The following CSMD1 variants were observed in gnomAD, a reference collection of about 807,000 sequenced individuals.
CSMD1 encodes CUB and sushi domain-containing protein 1.
In CSMD1, 213 loss-of-function variants were observed where a neutral mutation model predicts 417.5. The ratio of observed to expected loss-of-function variants is 0.51; its 90% CI spans 0.46 to 0.57. CSMD1 has a LOEUF of 0.57. CSMD1 is among the 20% of genes least tolerant of loss of function. CSMD1 has a pLI of 0.00. For synonymous variants in CSMD1, 2,862 were observed against 1,736.8 expected, an observed-to-expected ratio of 1.65 and a Z score of -16.11; for missense variants, 6,923 against 4,529.7, an observed-to-expected ratio of 1.53 and a Z score of -15.17.
At chr8:4,643,341 T>G (rs2130873561) in intron 1 of CSMD1, among the ~76,000 whole-genome samples, 1 of 152,364 alleles carries the variant, frequency 6.6e-6, no homozygotes, top group Admixed American at 6.5e-5. Flanking sequence ...TAAATTACTG[T>G]GTAAACGAGA....
intron 11 of CSMD1, among the ~76,000 whole-genome samples, chr8:3,470,076 C>A (rs1438539084): frequency 6.6e-6 from 1 of 152,280 alleles, no homozygotes; most frequent in South Asian, 2.1e-4. Flanking sequence ...CACAGATCAA[C>A]ACTTAGACAA....
intron 30 of CSMD1, among the ~76,000 whole-genome samples, chr8:3,208,372 T>A (rs1797420355): frequency 6.6e-6 from 1 of 152,094 alleles, no homozygotes; most frequent in African/African-American, 2.4e-5. Context: ...GTTCAAGTGA[T>A]TCTCCTGCCT....
chr8:4,206,457 T>G (rs940469066), intron 3 of CSMD1, among the ~76,000 whole-genome samples: 1 of 152,192 alleles, frequency 6.6e-6, no homozygotes, highest in African/African-American at 2.4e-5. Context: ...GTCCTTGTGA[T>G]AGTTTGCTCA....
rs114686399 is a variant in CSMD1 at position 4,836,049 on chromosome 8, G to A, written c.85+158283C>T. On this transcript the variant is annotated intron_variant, in intron 1 of 69. Coordinates refer to ENST00000635120, the MANE Select transcript of CSMD1 (RefSeq NM_033225.6). The stretch of plus-strand genomic sequence containing the variant: ...ATAGAGATGGTTTCTGCCTTCAAAC[G>A]AGTTCACAGTTTAGAATATTGGACA... Among the ~76,000 whole-genome samples the A allele has an allele frequency of 6.9e-4, 105 of 152,208 alleles. 1 individual carries two copies. Among genetic ancestry groups the A allele is most frequent in the African/African-American group, 2.3e-3 (95 of 41,534 alleles).
intron 23 of CSMD1, among the ~76,000 whole-genome samples, chr8:3,338,111 G>A (rs531431849): frequency 6.6e-6 from 1 of 152,288 alleles, no homozygotes; most frequent in African/African-American, 2.4e-5. Context: ...AAATACAAAA[G>A]GACCCCCTTG....
intron 37 of CSMD1, among the ~76,000 whole-genome samples, chr8:3,168,798 A>G (rs1820399015): frequency 6.7e-6 from 1 of 148,788 alleles, no homozygotes; most frequent in African/African-American, 2.5e-5. Flanking sequence ...GGTTTGACAC[A>G]TATCTTAAAT....
At chr8:3,359,506 G>C (rs1019700170) in intron 20 of CSMD1, among the ~76,000 whole-genome samples, 166 bp from the exon 21 acceptor site, 1 of 145,668 alleles carries the variant, frequency 6.9e-6, no homozygotes, top group Non-Finnish European at 1.5e-5. Context: ...CTTGTACTAT[G>C]AACTGTCTTA....
intron 5 of CSMD1, among the ~76,000 whole-genome samples, chr8:3,806,606 A>G (rs1341096167): frequency 6.6e-6 from 1 of 152,242 alleles, no homozygotes; most frequent in Non-Finnish European, 1.5e-5. Flanking sequence ...AGTAGTAGGA[A>G]CAACATCAAT....
At chr8:3,498,993 G>T (rs1178803630) in intron 10 of CSMD1, among the ~76,000 whole-genome samples, 1 of 151,996 alleles carries the variant, frequency 6.6e-6, no homozygotes, top group Non-Finnish European at 1.5e-5. Flanking sequence ...TTTTGTAGCT[G>T]TCCTTTTCTT....
intron 25 of CSMD1, among the ~76,000 whole-genome samples, chr8:3,293,723 T>G (rs755048404): frequency 1.3e-5 from 2 of 151,288 alleles, no homozygotes; most frequent in African/African-American, 4.8e-5. Context: ...TAGTTAGCCA[T>G]TCGTTTAATT....
intron 3 of CSMD1, among the ~76,000 whole-genome samples, chr8:4,218,491 C>A (rs1000512854): frequency 6.6e-6 from 1 of 152,158 alleles, no homozygotes; most frequent in African/African-American, 2.4e-5. Flanking sequence ...GCTGTATGAT[C>A]TTTTTCTAAT....
chr8:4,308,954 T>A (rs1044459986), intron 3 of CSMD1, among the ~76,000 whole-genome samples: 1 of 152,146 alleles, frequency 6.6e-6, no homozygotes, highest in East Asian at 1.9e-4. Context: ...TCTCAAATAC[T>A]CCCTGTAACC....
chr8:3,968,161 T>A (rs946827561), intron 5 of CSMD1, among the ~76,000 whole-genome samples: 2 of 151,284 alleles, frequency 1.3e-5, no homozygotes, highest in African/African-American at 4.9e-5. Flanking sequence ...CACTCCAGCC[T>A]GGGTGACAGA....
chr8:3,101,785 GT>G (rs761362568), intron 46 of CSMD1, among the ~76,000 whole-genome samples: 16 of 133,580 alleles, frequency 1.2e-4, no homozygotes, highest in Non-Finnish European at 2.4e-4. Context: ...TGATAATTTT[GT>G]TTCTTTCTTT....
chr8:3,593,011 C>T (rs752136620), intron 8 of CSMD1, among the ~76,000 whole-genome samples: 2 of 152,210 alleles, frequency 1.3e-5, no homozygotes, highest in Non-Finnish European at 2.9e-5. Flanking sequence ...AACTCCTGGC[C>T]TGTGCTTGGA....
At chr8:3,205,470 TG>T in intron 31 of CSMD1, 33 bp downstream of exon 31, 1 of 1,048,008 alleles carries the variant, frequency 9.5e-7, no homozygotes, top group Non-Finnish European at 1.4e-6. Flanking sequence ...AAAGGAAATA[TG>T]ACAATGAATT....
chr8:4,314,162 C>A (rs1367250721), intron 3 of CSMD1, among the ~76,000 whole-genome samples: 1 of 152,094 alleles, frequency 6.6e-6, no homozygotes, highest in Non-Finnish European at 1.5e-5. Context: ...AGTCTAAAGG[C>A]TTAAAAGCAT....
chr8:4,518,985 T>A (rs1803279171), intron 2 of CSMD1, among the ~76,000 whole-genome samples: 1 of 152,054 alleles, frequency 6.6e-6, no homozygotes, highest in African/African-American at 2.4e-5. Context: ...CTCCCCACTT[T>A]CTCTTTTGCT....
chr8:3,165,183 G>A (rs1049545596), intron 37 of CSMD1, among the ~76,000 whole-genome samples: 1 of 151,944 alleles, frequency 6.6e-6, no homozygotes, highest in African/African-American at 2.4e-5. Flanking sequence ...CCCAGTATAT[G>A]TTAGAAGCTA....
Sources: allele counts gnomAD v4.1 joint callset (sites outside exome capture counted in the v4.1 genomes callset), GRCh38; gene constraint gnomAD v4.1.1; transcripts MANE v1.5; gene names NCBI Gene and HGNC (gene_info 2026-07-23, HGNC 2026-07-21).